The following IP6K2 variants were observed in gnomAD, a reference collection of about 807,000 sequenced individuals.
IP6K2 encodes the protein ATP:1D-myo-inositol-hexakisphosphate phosphotransferase.
Under a neutral mutation model 43.3 loss-of-function variants are expected in IP6K2, and 9 were observed. The observed-to-expected ratio is 0.21, with a 90% CI of 0.13 to 0.36. IP6K2 has a LOEUF of 0.36. IP6K2 is among the 10% of genes least tolerant of loss of function. IP6K2 has a pLI of 1.00. For synonymous variants in IP6K2, 209 were observed against 202.4 expected (o/e 1.03, Z -0.28); for missense variants, 332 against 538.4 (o/e 0.62, Z 3.79).
At chr3:48,693,901 C>T in intron 2 of IP6K2, 2 of 1,270,810 alleles carry the variant, frequency 1.6e-6, no homozygotes, top group Non-Finnish European at 2.0e-6. Flanking sequence ...CCCCTTAAGT[C>T]TCTAGAACCT....
intron 1 of IP6K2, among the ~76,000 whole-genome samples, chr3:48,706,977 A>C (rs2079866917): frequency 6.6e-6 from 1 of 152,162 alleles, no homozygotes; most frequent in Non-Finnish European, 1.5e-5. Flanking sequence ...TGTTATCATA[A>C]TTGTACATTA....
intron 2 of IP6K2, chr3:48,693,939 G>C: frequency 7.4e-7 from 1 of 1,356,340 alleles, no homozygotes; most frequent in Non-Finnish European, 9.5e-7. Flanking sequence ...CAGTCTTTGA[G>C]GATGGGGCTG....
chr3:48,693,360 A>G (rs763630998), intron 2 of IP6K2, 181 bp from the exon 3 acceptor site: 6 of 1,134,096 alleles, frequency 5.3e-6, no homozygotes, highest in Non-Finnish European at 4.0e-6. Context: ...GACACCATAC[A>G]AGACAAGCAA....
chr3:48,694,772 T>TC, intron 2 of IP6K2: 1 of 1,530,558 alleles, frequency 6.5e-7, no homozygotes. Flanking sequence ...CCCAAAGTCT[T>TC]CCCCCACCGT....
intron 2 of IP6K2, chr3:48,694,005 ACACCT>A: frequency 1.4e-6 from 2 of 1,381,742 alleles, no homozygotes; most frequent in Non-Finnish European, 1.9e-6. Context: ...GACTGGCTGA[ACACCT>A]TTCCTCCCAG....
At chr3:48,707,058 T>C (rs1248931385) in intron 1 of IP6K2, among the ~76,000 whole-genome samples, 2 of 152,200 alleles carry the variant, frequency 1.3e-5, no homozygotes, top group African/African-American at 4.8e-5. Flanking sequence ...CATATATTTA[T>C]ATTATTTTAT....
intron 1 of IP6K2, among the ~76,000 whole-genome samples, chr3:48,703,909 G>C (rs2079372920): frequency 6.6e-6 from 1 of 151,780 alleles, no homozygotes; most frequent in African/African-American, 2.4e-5. Flanking sequence ...TAGCCAACGT[G>C]GTGAAACCCG....
chr3:48,688,836 G>C lies in IP6K2; in HGVS notation c.781-63C>G, dbSNP rs1308979320. On this transcript the variant is annotated intron_variant, in intron 5 of 5. Coordinates refer to ENST00000328631, the MANE Select transcript of IP6K2 (RefSeq NM_016291.4). The surrounding 1 kb of genome is among the most constrained non-coding windows in gnomAD (Gnocchi z 5.1). ...CATCTCAAACCCTGGACCCCGGGCG[G>C]GGGTGGGGTGGTGTGGTGGTGGCGG... The C allele has an allele frequency of 3.3e-6, 5 of 1,530,586 alleles. No homozygotes were observed. In the East Asian group the frequency reaches 1.1e-4, roughly 35 times the overall value. 94.8% of individuals were successfully genotyped at this position (1,530,586 alleles called of 1,614,324 possible).
rs978418281 is a variant in IP6K2, at chr3:48,695,992, T to C, written c.-130-571A>G. Among the ~76,000 whole-genome samples the C allele has an allele frequency of 2.0e-5, 3 of 151,584 alleles. No individual in the cohort carries two copies. The highest frequency in any genetic ancestry group is 7.3e-5 in the African/African-American group (3 of 41,246). ...CTCCGCCTCTCAGGGTTCAAGCCAT[T>C]TTCCTGCCTCAGCCTCCCGAGTAGC... On this transcript the variant is annotated intron_variant, in intron 1 of 5. Coordinates refer to ENST00000328631, the MANE Select transcript of IP6K2 (RefSeq NM_016291.4). The surrounding 1 kb of genome is among the most constrained non-coding windows in gnomAD (Gnocchi z 4.6).
intron 1 of IP6K2, among the ~76,000 whole-genome samples, chr3:48,714,343 T>C (rs1488530972): frequency 1.3e-5 from 2 of 151,664 alleles, no homozygotes; most frequent in South Asian, 4.2e-4. Flanking sequence ...TTGGTGTTAC[T>C]GGCGTGAGCC....
In IP6K2 at chr3:48,695,436, A is replaced by G. The variant is rs1438477589; in HGVS notation, c.-130-15T>C. 1.4e-6 allele frequency: 2 copies of G among 1,414,764 alleles called. No individual in the cohort carries two copies. Among genetic ancestry groups the G allele is most frequent in the Non-Finnish European group, 1.8e-6 (2 of 1,082,220 alleles). The allele number at this position is 1,414,764 out of a possible 1,614,324, so 87.6% of individuals were successfully genotyped here. ...AGGATGCTCTGCTGGAAGCAAACAA[A>G]ATGATGACATGGGGGTTCGAAGTAG... On this transcript the variant is annotated splice_polypyrimidine_tract_variant and intron_variant, in intron 1 of 5. Transcript: ENST00000328631. This position sits in a 1 kb window ranked among gnomAD's most constrained non-coding sequence, Gnocchi z 4.6.
chr3:48,689,470 C>CA, intron 5 of IP6K2, 68 bp downstream of exon 5: 1 of 1,495,574 alleles, frequency 6.7e-7, no homozygotes, highest in Non-Finnish European at 9.0e-7. Context: ...TTTGAGCAAA[C>CA]AGGACTATAC....
At position 48,702,033 on chromosome 3, in the gene IP6K2, T is replaced by C. The variant is rs191145513; in HGVS notation, c.-130-6612A>G. Reference sequence around the variant, plus strand: ...CACTTTGAGTATCTTGAATCACTCATGCTAAGGTCAGCCTTGACCTCTACT... The same window carrying C: ...CACTTTGAGTATCTTGAATCACTCACGCTAAGGTCAGCCTTGACCTCTACT... On this transcript the variant is annotated intron_variant, in intron 1 of 5. Transcript: ENST00000328631. 1.6e-4 allele frequency among the ~76,000 whole-genome samples: 25 copies of C among 152,318 alleles called. No homozygotes were observed. In the East Asian group the frequency reaches 4.6e-3, roughly 28 times the overall value.
chr3:48,697,587 C>T (rs1317938273), intron 1 of IP6K2, among the ~76,000 whole-genome samples: 2 of 148,036 alleles, frequency 1.4e-5, no homozygotes, highest in East Asian at 2.0e-4. Flanking sequence ...GTGATCTGCT[C>T]ACCCTGGCCT....
chr3:48,693,151 A>T lies in IP6K2; in HGVS notation c.231T>A (p.Asp77Glu). Residue 77 changes from aspartate (D) to glutamate (E), a missense_variant, in exon 3 of 6, where the codon GAT (aspartate) becomes GAA (glutamate). By Grantham distance (45) the Asp-to-Glu change is conservative. Coordinates refer to ENST00000328631, the MANE Select transcript of IP6K2 (RefSeq NM_016291.4). ...KGVVSVRFEEDEDRNLCLIAY... is the reference protein window; with the variant it reads ...KGVVSVRFEEEEDRNLCLIAY... Reference sequence around the variant, plus strand: ...CTATTAGACACAAGTTCCTGTCTTCATCTTCTTCAAAGCGCACAGATACCA... The same window carrying T: ...CTATTAGACACAAGTTCCTGTCTTCTTCTTCTTCAAAGCGCACAGATACCA... 3 of 1,614,214 alleles carry T rather than the reference A, an allele frequency of 1.9e-6. No homozygotes were observed. Among genetic ancestry groups the T allele is most frequent in the South Asian group, 1.1e-5 (1 of 91,076 alleles).
intron 2 of IP6K2, chr3:48,694,824 C>T (rs1361703071): frequency 6.5e-7 from 1 of 1,536,424 alleles, no homozygotes; most frequent in Non-Finnish European, 8.7e-7. Flanking sequence ...TCAAGAGACA[C>T]CTGAACATAA....
rs148477592 is a variant in IP6K2, at chr3:48,695,214, G to A, written c.78C>T (p.Val26=). 12 of 1,578,126 alleles carry A rather than the reference G, an allele frequency of 7.6e-6. No individual in the cohort carries two copies. The highest frequency in any genetic ancestry group is 3.5e-5 in the Admixed American group (2 of 57,914). ...GVLLEPFVHQ[V]GGHSCVLRFN... is the part of the protein sequence containing the mutation. Reference sequence around the variant, plus strand: ...AGCGGAGCACGCATGAGTGCCCCCCGACCTGGTGGACAAAGGGCTCCAGAA... The same window carrying A: ...AGCGGAGCACGCATGAGTGCCCCCCAACCTGGTGGACAAAGGGCTCCAGAA... The change falls in exon 2 of 6, where the codon GTC becomes GTT. Residue 26 remains valine (V), a synonymous_variant. Transcript: ENST00000328631. This position sits in a 1 kb window ranked among gnomAD's most constrained non-coding sequence, Gnocchi z 4.6.
At chr3:48,715,219 C>T in intron 1 of IP6K2, 1 of 1,297,878 alleles carries the variant, frequency 7.7e-7, no homozygotes, top group Non-Finnish European at 1.1e-6. Context: ...CAATTTGTTA[C>T]CCAAGATTAT....
intron 1 of IP6K2, among the ~76,000 whole-genome samples, chr3:48,710,679 G>A (rs1004445056): frequency 2.0e-5 from 3 of 151,570 alleles, no homozygotes; most frequent in African/African-American, 4.8e-5. Flanking sequence ...GCGGGATCTC[G>A]GCTCACTGCA....
Sources: gnomAD v4.1 joint callset for allele counts (sites outside exome capture counted in the v4.1 genomes callset) on GRCh38, gnomAD v4.1.1 for gene constraint, Gnocchi (gnomAD v3.1) non-coding constraint, MANE v1.5 for transcripts, NCBI Gene and HGNC (gene_info 2026-07-23, HGNC 2026-07-21) for gene names.